SCUBE3: variants seen among roughly 807,000 people sequenced by gnomAD.
SCUBE3 encodes the protein signal peptide, CUB domain and EGF like domain containing 3, also known as signal peptide, CUB and EGF-like domain-containing protein 3.
In SCUBE3, 33 loss-of-function variants were observed where a neutral mutation model predicts 116.8. The ratio of observed to expected loss-of-function variants is 0.28; its 90% CI spans 0.21 to 0.38. The LOEUF (loss-of-function observed/expected upper bound fraction) is 0.38. Ranked by LOEUF, SCUBE3 falls within the 10% of genes least tolerant of loss-of-function variation. The pLI is 1.00. For missense variants in SCUBE3, 1,007 were observed against 1,324.8 expected, an observed-to-expected ratio of 0.76 and a Z score of 3.72; for synonymous variants, 418 against 496.9, an observed-to-expected ratio of 0.84 and a Z score of 2.11.
In SCUBE3 at chr6:35,233,920, G is replaced by A. The variant is rs953925463; in HGVS notation, c.712+619G>A. Among the ~76,000 whole-genome samples the A allele has an allele frequency of 3.3e-5, 5 of 151,962 alleles. No individual in the cohort carries two copies. Among genetic ancestry groups the A allele is most frequent in the African/African-American group, 1.2e-4 (5 of 41,348 alleles). ...TTCCTTCTCTCTCCTCCAGATGCCA[G>A]TGGTACTCCCTCTCAGCTCCACCAG... On this transcript the variant is annotated intron_variant, in intron 6 of 21. Coordinates refer to ENST00000274938, the MANE Select transcript of SCUBE3 (RefSeq NM_152753.4). This position sits in a 1 kb window ranked among gnomAD's most constrained non-coding sequence, Gnocchi z 5.7.
Position 35,241,338 on chromosome 6 carries a change from A to C in SCUBE3, c.1195+72A>C, listed in dbSNP as rs1244147312. 6.7e-7 allele frequency: 1 copy of C among 1,491,594 alleles called. No individual in the cohort carries two copies. Among genetic ancestry groups the C allele is most frequent in the East Asian group, 2.3e-5 (1 of 43,908 alleles). 92.4% of individuals were successfully genotyped at this position (1,491,594 alleles called of 1,614,324 possible). A position where few individuals can be genotyped will look rare whatever the true frequency, so the allele number is the denominator to read the frequency against. On this transcript the variant is annotated intron_variant, in intron 10 of 21. Transcript: ENST00000274938. The surrounding 1 kb of genome is among the most constrained non-coding windows in gnomAD (Gnocchi z 4.1). ...GAGCAGTTGGGGTTCTGGAAAGCAT[A>C]GAGTATCACATTGGGGAAAGGTGTG...
chr6:35,216,920 C>T (rs1437772482), intron 1 of SCUBE3, among the ~76,000 whole-genome samples: 5 of 150,500 alleles, frequency 3.3e-5, no homozygotes, highest in African/African-American at 7.3e-5. Flanking sequence ...GGTGAGTGTG[C>T]GACTGTGCAC....
intron 21 of SCUBE3, 106 bp from the exon 22 acceptor site, chr6:35,248,450 C>A: frequency 9.6e-7 from 1 of 1,047,080 alleles, no homozygotes; most frequent in Non-Finnish European, 1.5e-6. Context: ...TGGATATATT[C>A]AGTATAGGAT....
chr6:35,241,986 C>G lies in SCUBE3; in HGVS notation c.1417+76C>G, dbSNP rs1232282946. 1.8e-6 allele frequency: 2 copies of G among 1,087,058 alleles called. No individual in the cohort carries two copies. The highest frequency in any genetic ancestry group is 2.8e-6 in the Non-Finnish European group (2 of 709,962). The allele number at this position is 1,087,058 out of a possible 1,614,324, so 67.3% of individuals were successfully genotyped here. On this transcript the variant is annotated intron_variant, in intron 12 of 21. Coordinates refer to ENST00000274938, the MANE Select transcript of SCUBE3 (RefSeq NM_152753.4). The surrounding 1 kb of genome is among the most constrained non-coding windows in gnomAD (Gnocchi z 4.1). Reference sequence around the variant, plus strand: ...CCCTTATTTTTGTTCTTCATCAATCCCCTGGCCTTCCTTTCTCCTGGATCC... The same window carrying G: ...CCCTTATTTTTGTTCTTCATCAATCGCCTGGCCTTCCTTTCTCCTGGATCC...
rs919975094 is a variant in SCUBE3 at position 35,232,787 on chromosome 6, G to T, written c.470-63G>T. 41 of 1,559,920 alleles carry T rather than the reference G, an allele frequency of 2.6e-5. 1 individual carries two copies. In the Admixed American group the frequency reaches 3.4e-4, roughly 13 times the overall value. On this transcript the variant is annotated intron_variant, in intron 4 of 21. Coordinates refer to ENST00000274938, the MANE Select transcript of SCUBE3 (RefSeq NM_152753.4). The surrounding 1 kb of genome is among the most constrained non-coding windows in gnomAD (Gnocchi z 4.2). ...TTCCCTAGGTCCCCAGTTGCCCCCTGTAGTTTTTCTTTTCTAGACATCCAG... is the reference window on the plus strand; with the variant it reads ...TTCCCTAGGTCCCCAGTTGCCCCCTTTAGTTTTTCTTTTCTAGACATCCAG...
chr6:35,234,833 T>G (rs1304253868), intron 6 of SCUBE3, among the ~76,000 whole-genome samples: 1 of 152,238 alleles, frequency 6.6e-6, no homozygotes, highest in Non-Finnish European at 1.5e-5. Flanking sequence ...TGGGCTCTTC[T>G]CTAACTCAAG....
At chr6:35,218,516 C>G (rs954859056) in intron 1 of SCUBE3, among the ~76,000 whole-genome samples, 2 of 152,120 alleles carry the variant, frequency 1.3e-5, no homozygotes. Flanking sequence ...CATCCCGTAT[C>G]CCTAGCACAT....
chr6:35,225,419 A>G (rs2150290260), intron 1 of SCUBE3, among the ~76,000 whole-genome samples: 1 of 152,344 alleles, frequency 6.6e-6, no homozygotes, highest in South Asian at 2.1e-4. Flanking sequence ...ACCATCTGCG[A>G]GGTCCCTCTT....
chr6:35,244,181 C>T lies in SCUBE3; in HGVS notation c.2239+51C>T. The T allele has an allele frequency of 6.6e-7, 1 of 1,508,932 alleles. No homozygotes were observed. The highest frequency in any genetic ancestry group is 1.2e-5 in the South Asian group (1 of 83,880). 93.5% of individuals were successfully genotyped at this position (1,508,932 alleles called of 1,614,324 possible). ...GGGATGCCCCAACCCCAACTACTCC[C>T]AAAAAACTCTCCAATTTCCCAGAGG... On this transcript the variant is annotated intron_variant, in intron 17 of 21. Coordinates refer to ENST00000274938, the MANE Select transcript of SCUBE3 (RefSeq NM_152753.4). The surrounding 1 kb of genome is among the most constrained non-coding windows in gnomAD (Gnocchi z 4.3).
In SCUBE3 at chr6:35,252,618, A is replaced by G. The variant is rs1417264642; in HGVS notation, c.*3913A>G. ...CCAGGTTTCTTTCTTAAGCACAATA[A>G]AAGTGGGAGCGAACAACACAAGGAT... On this transcript the variant is annotated 3_prime_UTR_variant, in exon 22 of 22. Coordinates refer to ENST00000274938, the MANE Select transcript of SCUBE3 (RefSeq NM_152753.4). 1 of 152,226 alleles carries G rather than the reference A, an allele frequency of 6.6e-6. No individual in the cohort carries two copies. Among genetic ancestry groups the G allele is most frequent in the Non-Finnish European group, 1.5e-5 (1 of 68,048 alleles). 9.4% of individuals were successfully genotyped at this position (152,226 alleles called of 1,614,324 possible).
In SCUBE3 at chr6:35,245,523, G is replaced by A; in HGVS notation, c.2599+98G>A. On this transcript the variant is annotated intron_variant, in intron 19 of 21. Transcript: ENST00000274938. This position sits in a 1 kb window ranked among gnomAD's most constrained non-coding sequence, Gnocchi z 4.2. The stretch of plus-strand genomic sequence containing the variant: ...CTGATACAGGAAGAAATGGGGCAGT[G>A]AAGTTAGGGATCTATGAGGGTGAAA... The A allele has an allele frequency of 1.0e-6, 1 of 998,142 alleles. No individual in the cohort carries two copies. Among genetic ancestry groups the A allele is most frequent in the East Asian group, 2.4e-5 (1 of 41,194 alleles). 61.8% of individuals were successfully genotyped at this position (998,142 alleles called of 1,614,324 possible).
In SCUBE3 at chr6:35,248,721, A is replaced by C; in HGVS notation, c.*16A>C. 1 of 1,612,422 alleles carries C rather than the reference A, an allele frequency of 6.2e-7. No individual in the cohort carries two copies. The highest frequency in any genetic ancestry group is 8.5e-7 in the Non-Finnish European group (1 of 1,179,098). On this transcript the variant is annotated 3_prime_UTR_variant, in exon 22 of 22. Coordinates refer to ENST00000274938, the MANE Select transcript of SCUBE3 (RefSeq NM_152753.4). The stretch of plus-strand genomic sequence containing the variant: ...CTACAAATAGTAACCCTAGGCTCAG[A>C]GACCCAATTTTTTAAGCCCCCAGAC...
intron 2 of SCUBE3, 119 bp downstream of exon 2, chr6:35,227,821 T>TG (rs979262980): frequency 2.0e-4 from 186 of 918,996 alleles, no homozygotes; most frequent in Non-Finnish European, 2.4e-4. Flanking sequence ...GGTCAAGTGG[T>TG]GGGGGGGTGG....
At chr6:35,218,118 AC>A in intron 1 of SCUBE3, 1 of 985,102 alleles carries the variant, frequency 1.0e-6, no homozygotes. Context: ...GTTTTTTGAA[AC>A]CTTCAGGAAT....
At chr6:35,223,656 G>A (rs1783199962) in intron 1 of SCUBE3, 1 of 152,170 alleles carries the variant, frequency 6.6e-6, no homozygotes, top group Non-Finnish European at 1.5e-5. Context: ...GTTTAAACCA[G>A]TCCACACCCA....
rs1784215096 is a variant in SCUBE3 at position 35,244,020 on chromosome 6, C to G, written c.2129C>G (p.Pro710Arg). Reference sequence around the variant, plus strand: ...GGGTTCAAGCCCTGTCAGCCATGCCCACGTGGCACCTACCAACCTGAAGCA... The same window carrying G: ...GGGTTCAAGCCCTGTCAGCCATGCCGACGTGGCACCTACCAACCTGAAGCA... ...VDGFKPCQPC[P>R]RGTYQPEAGR... The change falls in exon 17 of 22, where the codon CCA (proline) becomes CGA (arginine). Residue 710 changes from proline (P) to arginine (R), a missense_variant. Pro to Arg is a moderately radical substitution (Grantham distance 103). This residue lies in a region of SCUBE3 where 544 missense variants were observed against 638.9 expected (regional missense o/e 0.85). Coordinates refer to ENST00000274938, the MANE Select transcript of SCUBE3 (RefSeq NM_152753.4). This position sits in a 1 kb window ranked among gnomAD's most constrained non-coding sequence, Gnocchi z 4.3. The G allele has an allele frequency of 4.3e-6, 7 of 1,614,104 alleles. No homozygotes were observed. Among genetic ancestry groups the G allele is most frequent in the Non-Finnish European group, 5.9e-6 (7 of 1,179,942 alleles).
rs1487113055 is a variant in SCUBE3 at position 35,243,769 on chromosome 6, AAAC to A, written c.2071+17_2071+19del. ...CCACGTGTGCAGGTGCCAGGGGAAC[AAAC>A]AATACAGAGTGGGGTAGGGTGGGCA... On this transcript the variant is annotated intron_variant, in intron 16 of 21. Transcript: ENST00000274938. This position sits in a 1 kb window ranked among gnomAD's most constrained non-coding sequence, Gnocchi z 6.6. 1.2e-6 allele frequency: 2 copies of A among 1,612,938 alleles called. No individual in the cohort carries two copies.
rs1332003921 is a variant in SCUBE3, at chr6:35,243,787, T to C, written c.2071+32T>C. The C allele has an allele frequency of 6.2e-7, 1 of 1,605,200 alleles. No homozygotes were observed. The highest frequency in any genetic ancestry group is 1.1e-5 in the South Asian group (1 of 90,580). On this transcript the variant is annotated intron_variant, in intron 16 of 21. Transcript: ENST00000274938. The surrounding 1 kb of genome is among the most constrained non-coding windows in gnomAD (Gnocchi z 6.6). ...GGGGAACAAACAATACAGAGTGGGGTAGGGTGGGCACTGGGATGCCCATGG... is the reference window on the plus strand; with the variant it reads ...GGGGAACAAACAATACAGAGTGGGGCAGGGTGGGCACTGGGATGCCCATGG...
intron 6 of SCUBE3, 93 bp from the exon 7 acceptor site, chr6:35,237,809 C>G (rs1783842289): frequency 2.8e-6 from 2 of 711,390 alleles, no homozygotes; most frequent in Non-Finnish European, 4.9e-6. Flanking sequence ...CTGAGGCCTT[C>G]CCTCGGGCCT....
Sources: allele counts gnomAD v4.1 joint callset (sites outside exome capture counted in the v4.1 genomes callset), GRCh38; gene constraint gnomAD v4.1.1; regional missense constraint gnomAD v4.1.1; non-coding constraint Gnocchi (gnomAD v3.1); transcripts MANE v1.5; gene names NCBI Gene and HGNC (gene_info 2026-07-23, HGNC 2026-07-21).